The following ACOX3 variants were observed in gnomAD, a reference collection of about 807,000 sequenced individuals.
ACOX3 encodes acyl-CoA oxidase 3, pristanoyl.
Under a neutral mutation model 81.5 loss-of-function variants are expected in ACOX3, and 73 were observed. The observed-to-expected ratio is 0.90, with a 90% CI of 0.74 to 1.09. The LOEUF (loss-of-function observed/expected upper bound fraction) is 1.09. Among genes scored for constraint, ACOX3 ranks in the 50% least tolerant of loss-of-function variants. ACOX3 has a pLI of 0.00. For synonymous variants in ACOX3, 387 were observed against 375.1 expected (o/e 1.03, Z -0.37); for missense variants, 947 against 928.0 (o/e 1.02, Z -0.27).
At position 8,407,605 on chromosome 4, in the gene ACOX3, G is replaced by A. The variant is rs1023803077; in HGVS notation, c.688-1562C>T. Among the ~76,000 whole-genome samples, 4 of 152,270 alleles carry A rather than the reference G, an allele frequency of 2.6e-5. No individual in the cohort carries two copies. Among genetic ancestry groups the A allele is most frequent in the Non-Finnish European group, 4.4e-5 (3 of 68,052 alleles). On this transcript the variant is annotated intron_variant, in intron 6 of 17. Coordinates refer to ENST00000356406, the MANE Select transcript of ACOX3 (RefSeq NM_003501.3). This position sits in a 1 kb window ranked among gnomAD's most constrained non-coding sequence, Gnocchi z 4.6. ...ATGAGAGACTAACACGGGGGCCGGT[G>A]CTGCCGGGAGGACGTCGGGAATTTC...
Position 8,370,785 on chromosome 4 carries a change from G to T in ACOX3, c.1983+123C>A. The T allele has an allele frequency of 2.5e-6, 2 of 809,142 alleles. No homozygotes were observed. Among genetic ancestry groups the T allele is most frequent in the Non-Finnish European group, 4.0e-6 (2 of 502,764 alleles). The allele number at this position is 809,142 out of a possible 1,614,324, so 50.1% of individuals were successfully genotyped here. A position where few individuals can be genotyped will look rare whatever the true frequency, so the allele number is the denominator to read the frequency against. ...ACTTGTCCCGGGCCCTCCCCAAGAA[G>T]CTCCTCCATGTGTGACCACTTTCCA... On this transcript the variant is annotated intron_variant, in intron 17 of 17. Transcript: ENST00000356406. This position sits in a 1 kb window ranked among gnomAD's most constrained non-coding sequence, Gnocchi z 6.3.
Position 8,437,802 on chromosome 4 carries a change from C to T in ACOX3, c.-15+2846G>A, listed in dbSNP as rs1724342788. ...AAAGAGGCCATTGGCCAAGGGCTGC[C>T]GCACCTTGGAGGAACCAAATACTGA... On this transcript the variant is annotated intron_variant, in intron 1 of 17. Coordinates refer to ENST00000356406, the MANE Select transcript of ACOX3 (RefSeq NM_003501.3). The surrounding 1 kb of genome is among the most constrained non-coding windows in gnomAD (Gnocchi z 5.2). 1.3e-5 allele frequency among the ~76,000 whole-genome samples: 2 copies of T among 152,188 alleles called. No homozygotes were observed. Among genetic ancestry groups the T allele is most frequent in the South Asian group, 2.1e-4 (1 of 4,834 alleles).
At chr4:8,361,996 G>A (rs981693146), downstream of ACOX3, among the ~76,000 whole-genome samples, 3 of 152,134 alleles carry the variant, frequency 2.0e-5, no homozygotes, top group Middle Eastern at 9.5e-3. Flanking sequence ...TAAAATCATT[G>A]CATGCCACAA....
chr4:8,365,858 C>A (rs145506114), downstream of ACOX3, among the ~76,000 whole-genome samples: 2 of 152,138 alleles, frequency 1.3e-5, no homozygotes, highest in African/African-American at 4.8e-5. Flanking sequence ...GCCCTTCAGA[C>A]GCTCAAAAGT....
At chr4:8,428,640 A>C (rs1457635051) in intron 1 of ACOX3, among the ~76,000 whole-genome samples, 4 of 152,046 alleles carry the variant, frequency 2.6e-5, no homozygotes, top group Non-Finnish European at 1.5e-5. Context: ...CTTTTAGGCA[A>C]GGCCTGGCTG....
intron 5 of ACOX3, among the ~76,000 whole-genome samples, chr4:8,412,579 A>T (rs1015772960): frequency 5.9e-5 from 9 of 152,178 alleles, no homozygotes; most frequent in Non-Finnish European, 1.0e-4. Flanking sequence ...TGAAAGAATG[A>T]TGGATGGATG....
chr4:8,372,182 C>T (rs903071122), intron 16 of ACOX3, among the ~76,000 whole-genome samples: 2 of 152,186 alleles, frequency 1.3e-5, no homozygotes, highest in Admixed American at 6.5e-5. Flanking sequence ...ACTGCAGCCT[C>T]GAACACCTGG....
chr4:8,388,690 T>G (rs1718594588), intron 13 of ACOX3, among the ~76,000 whole-genome samples: 1 of 152,182 alleles, frequency 6.6e-6, no homozygotes, highest in Non-Finnish European at 1.5e-5. Context: ...GAGATGAGCC[T>G]GTGCCACAGG....
In ACOX3 at chr4:8,437,465, C is replaced by T. The variant is rs541531065; in HGVS notation, c.-15+3183G>A. ...GAAGAAAATGGGAGAGACAGCAGTGCGCGGGGGCAGGGCCTGTGCCACTGC... is the reference window on the plus strand; with the variant it reads ...GAAGAAAATGGGAGAGACAGCAGTGTGCGGGGGCAGGGCCTGTGCCACTGC... On this transcript the variant is annotated intron_variant, in intron 1 of 17. Transcript: ENST00000356406. The surrounding 1 kb of genome is among the most constrained non-coding windows in gnomAD (Gnocchi z 5.2). Among the ~76,000 whole-genome samples, 22 of 152,228 alleles carry T rather than the reference C, an allele frequency of 1.4e-4. No homozygotes were observed. The highest frequency in any genetic ancestry group is 5.8e-4 in the East Asian group (3 of 5,160).
chr4:8,375,517 G>C (rs901826643), intron 14 of ACOX3, among the ~76,000 whole-genome samples: 1 of 152,172 alleles, frequency 6.6e-6, no homozygotes, highest in African/African-American at 2.4e-5. Flanking sequence ...AGGCCCCCAA[G>C]GGCCCAGGAC....
Position 8,386,403 on chromosome 4 carries a change from A to G in ACOX3, c.1537+2770T>C, listed in dbSNP as rs1434836010. Among the ~76,000 whole-genome samples, 1 of 151,852 alleles carries G rather than the reference A, an allele frequency of 6.6e-6. No individual in the cohort carries two copies. Among genetic ancestry groups the G allele is most frequent in the Non-Finnish European group, 1.5e-5 (1 of 67,968 alleles). On this transcript the variant is annotated intron_variant, in intron 13 of 17. Transcript: ENST00000356406. This position sits in a 1 kb window ranked among gnomAD's most constrained non-coding sequence, Gnocchi z 5.2. Reference sequence around the variant, plus strand: ...AACACGGTGAAACTCCGTCTCTACTAAAAATACAAAAAATTAGCCGGGTGT... The same window carrying G: ...AACACGGTGAAACTCCGTCTCTACTGAAAATACAAAAAATTAGCCGGGTGT...
At chr4:8,422,752 T>C (rs138188571) in intron 1 of ACOX3, among the ~76,000 whole-genome samples, 8 of 152,246 alleles carry the variant, frequency 5.3e-5, no homozygotes, top group East Asian at 1.9e-4. Flanking sequence ...TGGGTAGAAA[T>C]TGGGGGAGGA....
In ACOX3 at chr4:8,370,902, C is replaced by T; in HGVS notation, c.1983+6G>A. ...GCACTCCCGTGAGGCCCTGTCCTCC[C>T]TTTACCTCGCCGTCGGCTCTGCCAA... On this transcript the variant is annotated splice_donor_region_variant and intron_variant, in intron 17 of 17. Transcript: ENST00000356406. The surrounding 1 kb of genome is among the most constrained non-coding windows in gnomAD (Gnocchi z 6.3). The T allele has an allele frequency of 6.2e-7, 1 of 1,613,482 alleles. No individual in the cohort carries two copies. Among genetic ancestry groups the T allele is most frequent in the Non-Finnish European group, 8.5e-7 (1 of 1,179,882 alleles).
In ACOX3 at chr4:8,377,339, A is replaced by T. The variant is rs553269218; in HGVS notation, c.1654-2187T>A. ...TTTTCCATGAAAGTGACACAGCTTG[A>T]TACAGCGATGGCACAGGCCAGACAT... is the stretch of plus-strand genomic sequence containing the variant. On this transcript the variant is annotated intron_variant, in intron 14 of 17. Coordinates refer to ENST00000356406, the MANE Select transcript of ACOX3 (RefSeq NM_003501.3). 5.9e-5 allele frequency among the ~76,000 whole-genome samples: 9 copies of T among 152,368 alleles called. No individual in the cohort carries two copies. The South Asian group carries it at 1.9e-3, about 32-fold the overall frequency.
chr4:8,370,893 C>T lies in ACOX3; in HGVS notation c.1983+15G>A, dbSNP rs368012023. 4 of 1,612,396 alleles carry T rather than the reference C, an allele frequency of 2.5e-6. No homozygotes were observed. The African/African-American group carries it at 5.3e-5, about 22-fold the overall frequency. ...ACCCTTGGGGCACTCCCGTGAGGCC[C>T]TGTCCTCCCTTTACCTCGCCGTCGG... On this transcript the variant is annotated intron_variant, in intron 17 of 17. Transcript: ENST00000356406. This position sits in a 1 kb window ranked among gnomAD's most constrained non-coding sequence, Gnocchi z 6.3.
chr4:8,414,171 A>C lies in ACOX3; in HGVS notation c.543+121T>G. 1 of 825,362 alleles carries C rather than the reference A, an allele frequency of 1.2e-6. No homozygotes were observed. The highest frequency in any genetic ancestry group is 3.6e-4 in the Middle Eastern group (1 of 2,802). 51.1% of individuals were successfully genotyped at this position (825,362 alleles called of 1,614,324 possible). On this transcript the variant is annotated intron_variant, in intron 5 of 17. Coordinates refer to ENST00000356406, the MANE Select transcript of ACOX3 (RefSeq NM_003501.3). The surrounding 1 kb of genome is among the most constrained non-coding windows in gnomAD (Gnocchi z 6.1). ...GAATCTCAGTGGGTATTTCTACACA[A>C]GTGTATGTGGACAGGCCTCTTGCTT...
chr4:8,438,901 A>G (rs1317527588), intron 1 of ACOX3: 1 of 152,214 alleles, frequency 6.6e-6, no homozygotes, highest in Non-Finnish European at 1.5e-5. Flanking sequence ...GTTGCTGAGG[A>G]CGACAGCCCT....
At chr4:8,360,642 T>G in the ACOX3 span, among the ~76,000 whole-genome samples, 1 of 152,114 alleles carries the variant, frequency 6.6e-6, no homozygotes, top group Non-Finnish European at 1.5e-5. Context: ...TGGCTAATTT[T>G]TTTGTATTTT....
downstream of ACOX3, among the ~76,000 whole-genome samples, chr4:8,361,409 G>A (rs1428659001): frequency 9.8e-6 from 1 of 101,978 alleles, no homozygotes; most frequent in Non-Finnish European, 1.7e-5. Flanking sequence ...CTGGGTGACA[G>A]AGGGAGACTC....
Sources: allele counts gnomAD v4.1 joint callset (sites outside exome capture counted in the v4.1 genomes callset), GRCh38; gene constraint gnomAD v4.1.1; non-coding constraint Gnocchi (gnomAD v3.1); transcripts MANE v1.5; gene names NCBI Gene and HGNC (gene_info 2026-07-23, HGNC 2026-07-21).